EBF1: variants seen among roughly 807,000 people sequenced by gnomAD.
EBF1 encodes EBF transcription factor 1, also known as transcription factor COE1.
A neutral mutation model predicts 68.4 loss-of-function variants in EBF1; 10 were observed. The observed-to-expected ratio is 0.15, with a 90% CI of 0.09 to 0.25. The LOEUF is 0.25. EBF1 is among the 10% of genes least tolerant of loss of function. The pLI is 1.00. For missense variants in EBF1, 509 were observed against 794.4 expected (o/e 0.64, Z 4.32); for synonymous variants, 298 against 299.8 (o/e 0.99, Z 0.06).
At position 158,699,105 on chromosome 5, in the gene EBF1, A is replaced by ATTCT; in HGVS notation, c.*2_*5dup. The ATTCT allele has an allele frequency of 6.2e-7, 1 of 1,607,438 alleles. No homozygotes were observed. Among genetic ancestry groups the ATTCT allele is most frequent in the African/African-American group, 1.3e-5 (1 of 74,696 alleles). On this transcript the variant is annotated 3_prime_UTR_variant, in exon 16 of 16. Transcript: ENST00000313708. ...TTCATTAATACAATTCTTCAAGGCA[A>ATTCT]TTCTTTCACATAGGAGGAACAATCA... is the stretch of plus-strand genomic sequence containing the variant.
chr5:159,001,020 A>G (rs1025334474), intron 6 of EBF1, among the ~76,000 whole-genome samples: 1 of 152,178 alleles, frequency 6.6e-6, no homozygotes, highest in Non-Finnish European at 1.5e-5. Context: ...CCAACTATAT[A>G]TATTTATGAA....
chr5:158,972,637 A>G (rs1271922675), intron 6 of EBF1, among the ~76,000 whole-genome samples: 1 of 152,176 alleles, frequency 6.6e-6, no homozygotes, highest in Non-Finnish European at 1.5e-5. Context: ...GACTAGGTGG[A>G]TATCTTCTTC....
At chr5:159,048,975 A>G (rs1772993451) in intron 6 of EBF1, among the ~76,000 whole-genome samples, 1 of 152,250 alleles carries the variant, frequency 6.6e-6, no homozygotes, top group Non-Finnish European at 1.5e-5. Flanking sequence ...CAGCTTCTTC[A>G]CAAGTAGTAA....
intron 6 of EBF1, among the ~76,000 whole-genome samples, chr5:158,865,073 C>A (rs1397298300): frequency 6.6e-6 from 1 of 152,120 alleles, no homozygotes; most frequent in Non-Finnish European, 1.5e-5. Flanking sequence ...CTGAGACAAC[C>A]CAAAAATAAT....
intron 6 of EBF1, among the ~76,000 whole-genome samples, chr5:158,913,627 T>A (rs1450465829): frequency 1.3e-5 from 2 of 152,084 alleles, no homozygotes; most frequent in African/African-American, 4.8e-5. Flanking sequence ...ATTTATGTAT[T>A]GCTTGGGAGG....
At chr5:158,848,103 AGTTTACTCTGTACAACAGTCCTATGAG>A (rs1791889146) in intron 6 of EBF1, among the ~76,000 whole-genome samples, 2 of 152,160 alleles carry the variant, frequency 1.3e-5, no homozygotes, top group South Asian at 4.1e-4. Flanking sequence ...TGCATGTATC[AGTTTACTCTGTACAACAGTCCTATGAG>A]ATTCTACTTC....
chr5:159,010,150 TAA>T (rs1370196986), intron 6 of EBF1, among the ~76,000 whole-genome samples: 2 of 152,214 alleles, frequency 1.3e-5, no homozygotes, highest in East Asian at 1.9e-4. Context: ...GAAGTTATGC[TAA>T]GTCATGGGCA....
chr5:158,917,566 T>C (rs546359687), intron 6 of EBF1, among the ~76,000 whole-genome samples: 20 of 152,332 alleles, frequency 1.3e-4, no homozygotes, highest in African/African-American at 4.8e-4. Context: ...TGTATTTATC[T>C]TCATGTGTGT....
intron 6 of EBF1, among the ~76,000 whole-genome samples, chr5:159,019,587 A>G: frequency 6.6e-6 from 1 of 152,234 alleles, no homozygotes; most frequent in Non-Finnish European, 1.5e-5. Flanking sequence ...TATCTGCCTC[A>G]TTAATGTTTG....
chr5:159,075,727 T>G lies in EBF1; in HGVS notation c.486-2263A>C, dbSNP rs573248057. On this transcript the variant is annotated intron_variant, in intron 5 of 15. Transcript: ENST00000313708. ...CATCTCACTGCCCAAGACTTTTTAA[T>G]GGCTTCCCACTGCACTTAGAACAAA... Among the ~76,000 whole-genome samples, 11 of 152,338 alleles carry G rather than the reference T, an allele frequency of 7.2e-5. No individual in the cohort carries two copies. The East Asian group carries it at 2.1e-3, about 29-fold the overall frequency.
intron 4 of EBF1, among the ~76,000 whole-genome samples, chr5:159,085,804 C>G (rs9637861): frequency 0.37 from 55,903 of 151,822 alleles, 10,525 homozygotes; most frequent in East Asian, 0.52. Flanking sequence ...ATAGTACATA[C>G]AGATGCTACA....
chr5:158,914,939 C>T (rs974384694), intron 6 of EBF1, among the ~76,000 whole-genome samples: 3 of 152,048 alleles, frequency 2.0e-5, no homozygotes, highest in African/African-American at 7.2e-5. Context: ...TACTGAATGC[C>T]GTCTGTTCTA....
intron 6 of EBF1, among the ~76,000 whole-genome samples, chr5:159,023,592 A>G (rs1338339131): frequency 6.6e-6 from 1 of 152,196 alleles, no homozygotes; most frequent in Non-Finnish European, 1.5e-5. Flanking sequence ...AAAGTTACAA[A>G]TCTACATGGT....
intron 5 of EBF1, among the ~76,000 whole-genome samples, chr5:159,084,186 T>G (rs924908556): frequency 2.0e-5 from 3 of 151,560 alleles, no homozygotes; most frequent in Non-Finnish European, 4.4e-5. Flanking sequence ...AAAACCCACA[T>G]GCAATTTAAG....
At chr5:158,792,042 G>T (rs1029395861) in intron 9 of EBF1, among the ~76,000 whole-genome samples, 2 of 152,070 alleles carry the variant, frequency 1.3e-5, no homozygotes, top group African/African-American at 4.8e-5. Flanking sequence ...TCACATGTTG[G>T]TAGAAAAGCA....
intron 10 of EBF1, among the ~76,000 whole-genome samples, chr5:158,756,246 T>C (rs1770064749): frequency 6.6e-6 from 1 of 152,094 alleles, no homozygotes; most frequent in African/African-American, 2.4e-5. Flanking sequence ...TTTGGCTGCC[T>C]TCTGACCAAG....
intron 6 of EBF1, among the ~76,000 whole-genome samples, chr5:159,002,070 C>T (rs1561760939): frequency 2.0e-5 from 3 of 151,842 alleles, no homozygotes; most frequent in Admixed American, 6.6e-5. Flanking sequence ...TGTACATAAT[C>T]TCTGAAACTT....
intron 9 of EBF1, among the ~76,000 whole-genome samples, chr5:158,784,484 A>G (rs1464334367): frequency 6.6e-6 from 1 of 152,184 alleles, no homozygotes; most frequent in Non-Finnish European, 1.5e-5. Flanking sequence ...GCAAGCTGAG[A>G]ATGATTCCCA....
chr5:159,016,361 T>C (rs1442922027), intron 6 of EBF1, among the ~76,000 whole-genome samples: 1 of 152,294 alleles, frequency 6.6e-6, no homozygotes, highest in South Asian at 2.1e-4. Flanking sequence ...CCCCTCAGAC[T>C]GGTTACCACC....
Sources: gnomAD v4.1 joint callset for allele counts (sites outside exome capture counted in the v4.1 genomes callset) on GRCh38, gnomAD v4.1.1 for gene constraint, MANE v1.5 for transcripts, NCBI Gene and HGNC (gene_info 2026-07-23, HGNC 2026-07-21) for gene names.